ASAP1: variants seen among roughly 807,000 people sequenced by gnomAD.
ASAP1 encodes the protein ArfGAP with SH3 domain, ankyrin repeat and PH domain 1.
Under a neutral mutation model 145.2 loss-of-function variants are expected in ASAP1, and 43 were observed. That is an observed-to-expected ratio of 0.30 (90% CI 0.23 to 0.38). The LOEUF (loss-of-function observed/expected upper bound fraction) is 0.38. Among genes scored for constraint, ASAP1 ranks in the 10% least tolerant of loss-of-function variants. The probability of loss-of-function intolerance (pLI) is 1.00; values close to 1 mark genes in which losing one functional copy is unlikely to be tolerated. For synonymous variants in ASAP1, 546 were observed against 515.5 expected, an observed-to-expected ratio of 1.06 and a Z score of -0.80; for missense variants, 1,018 against 1,355.3, an observed-to-expected ratio of 0.75 and a Z score of 3.91.
At chr8:130,409,773 G>C (rs908364426) in intron 1 of ASAP1, among the ~76,000 whole-genome samples, 51 of 152,216 alleles carry the variant, frequency 3.4e-4, no homozygotes, top group African/African-American at 8.9e-4. Context: ...AGGTCACTGT[G>C]AAGGACCCAC....
intron 2 of ASAP1, among the ~76,000 whole-genome samples, chr8:130,396,346 C>T (rs555885620): frequency 1.5e-4 from 23 of 152,198 alleles, no homozygotes; most frequent in Middle Eastern, 3.4e-3. Flanking sequence ...GGCACACAGT[C>T]GCTGCTTAAT....
At chr8:130,074,927 T>A (rs2097458864) in intron 27 of ASAP1, among the ~76,000 whole-genome samples, 1 of 151,968 alleles carries the variant, frequency 6.6e-6, no homozygotes, top group Non-Finnish European at 1.5e-5. Flanking sequence ...GGGCAGGAGC[T>A]GAGGGAGCAC....
chr8:130,174,810 A>G (rs1231278620), intron 9 of ASAP1, among the ~76,000 whole-genome samples: 1 of 152,224 alleles, frequency 6.6e-6, no homozygotes, highest in Non-Finnish European at 1.5e-5. Context: ...ACCCATATGT[A>G]ACATGTATCA....
At chr8:130,203,337 G>A (rs530556245) in intron 5 of ASAP1, among the ~76,000 whole-genome samples, 1 of 152,338 alleles carries the variant, frequency 6.6e-6, no homozygotes, top group African/African-American at 2.4e-5. Context: ...GGTGTACATG[G>A]CTCAAAGCAC....
At chr8:130,181,627 A>G (rs926327634) in intron 7 of ASAP1, among the ~76,000 whole-genome samples, 8 of 152,168 alleles carry the variant, frequency 5.3e-5, no homozygotes, top group Non-Finnish European at 7.3e-5. Flanking sequence ...TTCAGAAGAA[A>G]TCCTAATTTG....
At chr8:130,116,051 A>T (rs1402200734) in intron 22 of ASAP1, among the ~76,000 whole-genome samples, 1 of 152,236 alleles carries the variant, frequency 6.6e-6, no homozygotes, top group Non-Finnish European at 1.5e-5. Context: ...TTTAAGACGT[A>T]GGCTTTTAAG....
Position 130,112,177 on chromosome 8 carries a change from T to C in ASAP1, c.2318A>G (p.Gln773Arg). Reference sequence around the variant, plus strand: ...GTCTGTGCTTGTGGAAACGAAGATCTGGTTGGTGAAGGCTCCATAGGAGAG... The same window carrying C: ...GTCTGTGCTTGTGGAAACGAAGATCCGGTTGGTGAAGGCTCCATAGGAGAG... Reference protein sequence around the residue: ...QRLSYGAFTNQIFVSTSTDSP... With the variant: ...QRLSYGAFTNRIFVSTSTDSP... The change falls in exon 24 of 30, where the codon CAG becomes CGG. Residue 773 changes from glutamine (Q) to arginine (R), a missense_variant. Gln to Arg is a conservative substitution (Grantham distance 43, BLOSUM62 1). Coordinates refer to ENST00000518721, the MANE Select transcript of ASAP1 (RefSeq NM_018482.4). 9 of 1,614,116 alleles carry C rather than the reference T, an allele frequency of 5.6e-6. No homozygotes were observed. The highest frequency in any genetic ancestry group is 7.6e-6 in the Non-Finnish European group (9 of 1,180,022).
intron 1 of ASAP1, among the ~76,000 whole-genome samples, chr8:130,416,785 T>C (rs1401831085): frequency 6.6e-6 from 1 of 152,198 alleles, no homozygotes; most frequent in East Asian, 1.9e-4. Flanking sequence ...GATGCCACAG[T>C]GGTAAAACAG....
At chr8:130,283,587 GAAAAAAAAAA>G (rs71304303) in intron 3 of ASAP1, among the ~76,000 whole-genome samples, 33 of 20,880 alleles carry the variant, frequency 1.6e-3, no homozygotes, top group African/African-American at 4.9e-3. Flanking sequence ...ATCACAGAAA[GAAAAAAAAAA>G]AAAAAAAAAA....
At chr8:130,346,380 C>A (rs554374544) in intron 3 of ASAP1, among the ~76,000 whole-genome samples, 1 of 152,352 alleles carries the variant, frequency 6.6e-6, no homozygotes, top group African/African-American at 2.4e-5. Context: ...GTCTAACCTA[C>A]ATATCTCATG....
At chr8:130,367,602 T>C (rs1289729307) in intron 2 of ASAP1, among the ~76,000 whole-genome samples, 1 of 152,228 alleles carries the variant, frequency 6.6e-6, no homozygotes, top group African/African-American at 2.4e-5. Flanking sequence ...TCATTTTCCT[T>C]GTGGTTAAAA....
chr8:130,141,196 G>A (rs531972053), intron 13 of ASAP1, among the ~76,000 whole-genome samples: 3 of 152,278 alleles, frequency 2.0e-5, no homozygotes, highest in African/African-American at 7.2e-5. Flanking sequence ...CTCTGGAAAC[G>A]TCTATGTATC....
intron 3 of ASAP1, among the ~76,000 whole-genome samples, chr8:130,271,056 AAGGATGGCCCACTGATC>A (rs1820554763): frequency 6.6e-6 from 1 of 152,214 alleles, no homozygotes; most frequent in African/African-American, 2.4e-5. Context: ...CCTGGTCCCC[AAGGATGGCCCACTGATC>A]AGGAGAGCCT....
intron 3 of ASAP1, among the ~76,000 whole-genome samples, chr8:130,253,643 A>G (rs746496436): frequency 6.6e-6 from 1 of 152,198 alleles, no homozygotes; most frequent in Non-Finnish European, 1.5e-5. Context: ...TTTATTTTGT[A>G]TAATTATATG....
chr8:130,370,590 CT>C lies in ASAP1; in HGVS notation c.60-12448del, dbSNP rs139898657. On this transcript the variant is annotated intron_variant, in intron 2 of 29. Transcript: ENST00000518721. ...ATGAAAACATATGTGCACATAAAACCTTGTACACCAATGTTCACAGCAGCAT... is the reference window on the plus strand; with the variant it reads ...ATGAAAACATATGTGCACATAAAACCTGTACACCAATGTTCACAGCAGCAT... Among the ~76,000 whole-genome samples, 16 of 152,270 alleles carry C rather than the reference CT, an allele frequency of 1.1e-4. No individual in the cohort carries two copies. In the East Asian group the frequency reaches 3.1e-3, roughly 29 times the overall value.
At chr8:130,114,971 G>A (rs1298217167) in intron 23 of ASAP1, among the ~76,000 whole-genome samples, 1 of 151,854 alleles carries the variant, frequency 6.6e-6, no homozygotes, top group South Asian at 2.1e-4. Flanking sequence ...TTTTGCTTAG[G>A]TTGCTCTCGA....
chr8:130,256,757 A>ATATATATATATATATATATATCCT (rs1819572184), intron 3 of ASAP1, among the ~76,000 whole-genome samples: 1 of 93,664 alleles, frequency 1.1e-5, no homozygotes, highest in Non-Finnish European at 2.4e-5. Context: ...ATATATATAT[A>ATATATATATATATATATATATCCT]TATATATATA....
intron 24 of ASAP1, among the ~76,000 whole-genome samples, chr8:130,107,661 C>A (rs2097539757): frequency 2.0e-5 from 3 of 152,068 alleles, no homozygotes. Flanking sequence ...AATTCTCCTG[C>A]CTCAGAATCC....
intron 26 of ASAP1, among the ~76,000 whole-genome samples, chr8:130,077,395 C>G (rs184726074): frequency 2.6e-5 from 4 of 152,290 alleles, no homozygotes; most frequent in East Asian, 1.9e-4. Context: ...TTTGGCGATT[C>G]TCAGAGGACA....
Sources: gnomAD v4.1 joint callset for allele counts (sites outside exome capture counted in the v4.1 genomes callset) on GRCh38, gnomAD v4.1.1 for gene constraint, MANE v1.5 for transcripts, NCBI Gene and HGNC (gene_info 2026-07-23, HGNC 2026-07-21) for gene names.